The following FCER1G variants were observed in gnomAD, a reference collection of about 807,000 sequenced individuals.
FCER1G encodes the protein Fc epsilon receptor Ig.
In FCER1G, 7 loss-of-function variants were observed where a neutral mutation model predicts 17.3. That is an observed-to-expected ratio of 0.40 (90% CI 0.23 to 0.76). The LOEUF is 0.76. Among genes scored for constraint, FCER1G ranks in the 30% least tolerant of loss-of-function variants. The probability of loss-of-function intolerance (pLI) is 0.35; values close to 1 mark genes in which losing one functional copy is unlikely to be tolerated. For synonymous variants in FCER1G, 35 were observed against 38.7 expected (o/e 0.90, Z 0.35); for missense variants, 87 against 97.7 (o/e 0.89, Z 0.46).
At chr1:161,216,068 A>G (rs1253058438) in intron 1 of FCER1G, among the ~76,000 whole-genome samples, 1 of 152,064 alleles carries the variant, frequency 6.6e-6, no homozygotes, top group East Asian at 1.9e-4. Flanking sequence ...TATGGCATGA[A>G]GAGCTGGTCT....
chr1:161,218,624 C>A, intron 3 of FCER1G, 79 bp from the exon 4 acceptor site: 1 of 1,503,400 alleles, frequency 6.7e-7, no homozygotes, highest in Non-Finnish European at 9.3e-7. Flanking sequence ...ACCCCCCATG[C>A]CTCCCTGGGT....
chr1:161,218,803 G>GA, intron 4 of FCER1G, 78 bp from the exon 5 acceptor site: 1 of 1,586,422 alleles, frequency 6.3e-7, no homozygotes. Flanking sequence ...GGCCGGTGGG[G>GA]GGAGGGGGGT....
intron 3 of FCER1G, 25 bp from the exon 4 acceptor site, chr1:161,218,678 T>G: frequency 6.2e-7 from 1 of 1,613,772 alleles, no homozygotes; most frequent in Non-Finnish European, 8.5e-7. Context: ...GGGTCTTTAA[T>G]GTTTTGCTTC....
At chr1:161,218,390 C>A in intron 3 of FCER1G, 114 bp downstream of exon 3, 2 of 882,760 alleles carry the variant, frequency 2.3e-6, no homozygotes, top group Non-Finnish European at 3.8e-6. Context: ...TGCTGATCTG[C>A]ATACACCTCA....
intron 1 of FCER1G, among the ~76,000 whole-genome samples, chr1:161,216,427 T>TAGAGAGAGAG (rs543686283): frequency 1.7e-4 from 23 of 136,060 alleles, no homozygotes; most frequent in South Asian, 5.0e-4. Flanking sequence ...TATATATATA[T>TAGAGAGAGAG]AGAGAGAGAG....
intron 3 of FCER1G, 123 bp from the exon 4 acceptor site, chr1:161,218,580 T>C: frequency 1.1e-6 from 1 of 938,022 alleles, no homozygotes; most frequent in East Asian, 2.4e-5. Context: ...AGTGTCCATG[T>C]GAGTGCCCTC....
chr1:161,216,377 T>TACACACAC lies in FCER1G; in HGVS notation c.49+1035_49+1042dup, dbSNP rs57711151. 3.7e-3 allele frequency among the ~76,000 whole-genome samples: 449 copies of TACACACAC among 120,498 alleles called. 2 individuals are homozygous for TACACACAC. Among genetic ancestry groups the TACACACAC allele is most frequent in the South Asian group, 8.8e-3 (33 of 3,764 alleles). The allele number at this position is 120,498 out of a possible 152,430, so 79.1% of individuals were successfully genotyped here. On this transcript the variant is annotated intron_variant, in intron 1 of 4. Transcript: ENST00000289902. ...CTATCTATATACACACACACACACA[T>TACACACAC]ACACACACACACACACACACACACA...
At position 161,218,940 on chromosome 1, in the gene FCER1G, G is replaced by T. The variant is rs768542265; in HGVS notation, c.258G>T (p.Gln86His). 6.2e-7 allele frequency: 1 copy of T among 1,612,518 alleles called. No individual in the cohort carries two copies. Among genetic ancestry groups the T allele is most frequent in the South Asian group, 1.1e-5 (1 of 91,062 alleles). The part of the protein sequence containing the change: ...YETLKHEKPP[Q>H] ...CTCTGAAGCATGAGAAACCACCACA[G>T]TAGCTTTAGAATAGATGCGGTCATA... is the stretch of plus-strand genomic sequence containing the variant. The change falls in exon 5 of 5, where the codon CAG (glutamine) becomes CAT (histidine). Residue 86 changes from glutamine to histidine, a missense_variant. Transcript: ENST00000289902.
chr1:161,216,427 T>TATATAG lies in FCER1G; in HGVS notation c.49+1058_49+1059insTATAGA, dbSNP rs1553250803. 5.1e-4 allele frequency among the ~76,000 whole-genome samples: 69 copies of TATATAG among 136,136 alleles called. 2 individuals carry two copies. The highest frequency in any genetic ancestry group is 3.7e-3 in the South Asian group (15 of 4,018). 89.3% of individuals were successfully genotyped at this position (136,136 alleles called of 152,430 possible). On this transcript the variant is annotated intron_variant, in intron 1 of 4. Transcript: ENST00000289902. ...ACACACACACATATATATATATATA[T>TATATAG]AGAGAGAGAGAGAGAGAGAGAGATA...
intron 1 of FCER1G, among the ~76,000 whole-genome samples, chr1:161,217,192 C>G (rs567136505): frequency 1.3e-5 from 2 of 152,234 alleles, no homozygotes; most frequent in Admixed American, 6.5e-5. Flanking sequence ...TCCTCTGATA[C>G]GGGGTGAGAG....
rs138104808 is a variant in FCER1G, at chr1:161,215,650, T to C, written c.49+280T>C. Among the ~76,000 whole-genome samples, 4 of 152,254 alleles carry C rather than the reference T, an allele frequency of 2.6e-5. No individual in the cohort carries two copies. The East Asian group carries it at 7.7e-4, about 29-fold the overall frequency. On this transcript the variant is annotated intron_variant, in intron 1 of 4. Transcript: ENST00000289902. ...CTCTGTCACCCAGGCTGGAGTGCAG[T>C]GGCGCAATCTCTACTCACTGCAACC...
At chr1:161,216,102 A>C (rs1029057198) in intron 1 of FCER1G, among the ~76,000 whole-genome samples, 24 of 151,950 alleles carry the variant, frequency 1.6e-4, no homozygotes, top group African/African-American at 5.8e-4. Context: ...ATTTCTCATG[A>C]TGAGCATTTC....
rs755375108 is a variant in FCER1G at position 161,218,286 on chromosome 1, C to A, written c.177+10C>A. ...TATAACCAGCTATGAGGTATGGACC[C>A]TCCTACACCTGGTGTGGACAACTTT... is the stretch of plus-strand genomic sequence containing the variant. On this transcript the variant is annotated intron_variant, in intron 3 of 4. Coordinates refer to ENST00000289902, the MANE Select transcript of FCER1G (RefSeq NM_004106.2). 3.4e-5 allele frequency: 55 copies of A among 1,611,364 alleles called. No individual in the cohort carries two copies. The Admixed American group carries it at 9.2e-4, about 27-fold the overall frequency.
chr1:161,218,372 C>T (rs919632395), intron 3 of FCER1G, 96 bp downstream of exon 3: 19 of 1,013,672 alleles, frequency 1.9e-5, no homozygotes, highest in Non-Finnish European at 3.0e-5. Context: ...GAGGGCCTGC[C>T]TCTCAGGTGC....
At position 161,218,701 on chromosome 1, in the gene FCER1G, A is replaced by G; in HGVS notation, c.178-2A>G. On this transcript the variant is annotated splice_acceptor_variant, in intron 3 of 4. Coordinates refer to ENST00000289902, the MANE Select transcript of FCER1G (RefSeq NM_004106.2). LOFTEE classifies it high-confidence loss of function. Reference sequence around the variant, plus strand: ...AATGTTTTGCTTCTTTTGTCTCTGCAGAAATCAGATGGTGTTTACACGGTA... The same window carrying G: ...AATGTTTTGCTTCTTTTGTCTCTGCGGAAATCAGATGGTGTTTACACGGTA... The G allele has an allele frequency of 6.2e-7, 1 of 1,614,106 alleles. No individual in the cohort carries two copies. The highest frequency in any genetic ancestry group is 8.5e-7 in the Non-Finnish European group (1 of 1,179,976).
chr1:161,218,633 G>C (rs1213111759), intron 3 of FCER1G, 70 bp from the exon 4 acceptor site: 1 of 1,564,364 alleles, frequency 6.4e-7, no homozygotes, highest in Non-Finnish European at 8.8e-7. Flanking sequence ...GCCTCCCTGG[G>C]TGGGGCAGAT....
intron 1 of FCER1G, 137 bp from the exon 2 acceptor site, chr1:161,217,849 A>T: frequency 2.9e-6 from 2 of 690,852 alleles, no homozygotes; most frequent in Non-Finnish European, 2.6e-6. Flanking sequence ...GGAAGGCCAG[A>T]GAGAAACAGA....
intron 4 of FCER1G, 74 bp downstream of exon 4, chr1:161,218,797 G>A (rs11590967): frequency 0.039 from 62,231 of 1,589,392 alleles, 1,410 homozygotes; most frequent in Non-Finnish European, 0.046. Flanking sequence ...TTGGAAGGCC[G>A]GTGGGGGGAG....
At chr1:161,218,188 AG>A in intron 2 of FCER1G, 52 bp from the exon 3 acceptor site, 1 of 1,569,174 alleles carries the variant, frequency 6.4e-7, no homozygotes, top group Non-Finnish European at 8.8e-7. Flanking sequence ...TTTGGAGGGA[AG>A]GGGGATGGGC....
Sources: gnomAD v4.1 joint callset for allele counts (sites outside exome capture counted in the v4.1 genomes callset) on GRCh38, gnomAD v4.1.1 for gene constraint, MANE v1.5 for transcripts, NCBI Gene and HGNC (gene_info 2026-07-23, HGNC 2026-07-21) for gene names.